Variants in GAS7 observed in about 807,000 individuals in gnomAD.
GAS7 encodes growth arrest-specific protein 7.
GAS7 carries 28 observed loss-of-function variants against 71.1 expected under a neutral mutation model. That is an observed-to-expected ratio of 0.39 (90% CI 0.29 to 0.54). The LOEUF (loss-of-function observed/expected upper bound fraction) is 0.54, where lower values mean the gene tolerates loss of function less well. Ranked by LOEUF, GAS7 falls within the 20% of genes least tolerant of loss-of-function variation. GAS7 has a pLI of 0.62. For missense variants in GAS7, 436 were observed against 627.8 expected, an observed-to-expected ratio of 0.69 and a Z score of 3.27; for synonymous variants, 258 against 245.8, an observed-to-expected ratio of 1.05 and a Z score of -0.46.
At position 9,959,340 on chromosome 17, in the gene GAS7, G is replaced by A. The variant is rs2152112578; in HGVS notation, c.472-85C>T. On this transcript the variant is annotated intron_variant, in intron 4 of 13. Transcript: ENST00000432992. The surrounding 1 kb of genome is among the most constrained non-coding windows in gnomAD (Gnocchi z 5.0). ...CCCATTCAGGTTCCCTGAGGGTGGA[G>A]GCGCTGGGGAATCAGGGATGCTCAG... The A allele has an allele frequency of 6.3e-7, 1 of 1,597,704 alleles. No individual in the cohort carries two copies. The highest frequency in any genetic ancestry group is 1.3e-5 in the African/African-American group (1 of 74,894).
At chr17:9,951,787 C>G (rs1007051069) in intron 5 of GAS7, among the ~76,000 whole-genome samples, 11 of 79,900 alleles carry the variant, frequency 1.4e-4, no homozygotes, top group African/African-American at 4.3e-4. Context: ...AAAAAAAAAA[C>G]AAGAAGAAAG....
intron 1 of GAS7, among the ~76,000 whole-genome samples, chr17:10,139,342 C>T (rs1250574752): frequency 6.6e-6 from 1 of 152,154 alleles, no homozygotes; most frequent in Non-Finnish European, 1.5e-5. Flanking sequence ...CGTGAAGAAA[C>T]CATTTGTCCA....
chr17:9,952,311 G>A (rs2069052812), intron 5 of GAS7, among the ~76,000 whole-genome samples: 1 of 152,168 alleles, frequency 6.6e-6, no homozygotes, highest in Admixed American at 6.5e-5. Context: ...CACCACAATG[G>A]AAGACACACA....
chr17:10,087,215 C>CTT (rs1408583881), intron 1 of GAS7, among the ~76,000 whole-genome samples: 1 of 152,220 alleles, frequency 6.6e-6, no homozygotes, highest in Non-Finnish European at 1.5e-5. Flanking sequence ...CACGCAAACT[C>CTT]ACAAGAGCAC....
intron 3 of GAS7, among the ~76,000 whole-genome samples, chr17:9,979,414 G>A (rs2070327736): frequency 6.6e-6 from 1 of 152,196 alleles, no homozygotes; most frequent in Non-Finnish European, 1.5e-5. Flanking sequence ...GCCCCCTTTA[G>A]GGGCCCAGCA....
At chr17:10,138,787 C>G (rs1289782979) in intron 1 of GAS7, among the ~76,000 whole-genome samples, 3 of 151,882 alleles carry the variant, frequency 2.0e-5, no homozygotes, top group Non-Finnish European at 2.9e-5. Flanking sequence ...AAAAACAAAA[C>G]AAAACAAAAA....
chr17:10,006,609 G>A (rs1003274521), intron 2 of GAS7, among the ~76,000 whole-genome samples: 6 of 151,978 alleles, frequency 3.9e-5, no homozygotes, highest in African/African-American at 7.3e-5. Context: ...GATTACAGGC[G>A]CGAGCCACCG....
intron 1 of GAS7, among the ~76,000 whole-genome samples, chr17:10,113,615 C>T (rs1024602041): frequency 2.0e-5 from 3 of 152,266 alleles, no homozygotes; most frequent in African/African-American, 4.8e-5. Context: ...CGCATTTTTC[C>T]GCCCCCTACA....
chr17:10,181,097 C>T lies in GAS7; in HGVS notation c.183+17111G>A, dbSNP rs550482227. Among the ~76,000 whole-genome samples, 38 of 150,130 alleles carry T rather than the reference C, an allele frequency of 2.5e-4. No individual in the cohort carries two copies. The South Asian group carries it at 5.6e-3, about 22-fold the overall frequency. On this transcript the variant is annotated intron_variant, in intron 1 of 13. Coordinates refer to ENST00000432992, the MANE Select transcript of GAS7 (RefSeq NM_201433.2). The stretch of plus-strand genomic sequence containing the variant: ...GGGTGGCGGTGGGGGCACGGTGGCT[C>T]ACGCCTGTAATCCCAGCACTTTGGG...
At position 9,988,778 on chromosome 17, in the gene GAS7, G is replaced by T. The variant is rs1163394319; in HGVS notation, c.305-6894C>A. Among the ~76,000 whole-genome samples the T allele has an allele frequency of 2.6e-5, 4 of 151,430 alleles. No individual in the cohort carries two copies. The South Asian group carries it at 8.4e-4, about 32-fold the overall frequency. On this transcript the variant is annotated intron_variant, in intron 2 of 13. Transcript: ENST00000432992. ...TGAAGAACCATTTACGCCTGGTCAC[G>T]CCAAGCCCCTCCACATCTGGCATCC...
rs553168261 is a variant in GAS7 at position 10,007,944 on chromosome 17, A to C, written c.304+11833T>G. ...AGGGTGGTTTTCTGTGGATTTCTCT[A>C]TTCTAGGCGTTTCATATAAACAGAA... On this transcript the variant is annotated intron_variant, in intron 2 of 13. Coordinates refer to ENST00000432992, the MANE Select transcript of GAS7 (RefSeq NM_201433.2). Among the ~76,000 whole-genome samples the C allele has an allele frequency of 2.0e-5, 3 of 152,140 alleles. No homozygotes were observed. In the East Asian group the frequency reaches 5.8e-4, roughly 29 times the overall value.
At chr17:9,999,160 T>C (rs925804321) in intron 2 of GAS7, among the ~76,000 whole-genome samples, 1 of 152,216 alleles carries the variant, frequency 6.6e-6, no homozygotes, top group Non-Finnish European at 1.5e-5. Flanking sequence ...TTAACTTCAA[T>C]TGCTCGCATA....
intron 12 of GAS7, 66 bp from the exon 13 acceptor site, chr17:9,918,165 A>G (rs2067660292): frequency 8.8e-7 from 1 of 1,138,506 alleles, no homozygotes; most frequent in Non-Finnish European, 1.3e-6. Flanking sequence ...CCCCCCACCA[A>G]GACCACAAAA....
chr17:9,966,974 G>A (rs2069740558), intron 4 of GAS7, among the ~76,000 whole-genome samples: 1 of 152,134 alleles, frequency 6.6e-6, no homozygotes, highest in African/African-American at 2.4e-5. Flanking sequence ...TCCTGGGACT[G>A]GTGAACAACG....
chr17:10,038,396 A>C (rs80265183), intron 1 of GAS7, among the ~76,000 whole-genome samples: 7,683 of 152,266 alleles, frequency 0.05, 329 homozygotes, highest in African/African-American at 0.12. Flanking sequence ...AAGAACAGGT[A>C]CTAGTAAGGA....
chr17:10,152,739 G>A (rs1442444242), intron 1 of GAS7, among the ~76,000 whole-genome samples: 2 of 152,150 alleles, frequency 1.3e-5, no homozygotes, highest in African/African-American at 2.4e-5. Flanking sequence ...GCATGTGCAG[G>A]TGCCGCTTAG....
intron 9 of GAS7, among the ~76,000 whole-genome samples, chr17:9,932,402 C>T (rs1030027640): frequency 4.6e-5 from 7 of 152,054 alleles, no homozygotes; most frequent in South Asian, 2.1e-4. Flanking sequence ...ACCATGTTGG[C>T]CAGGATGGTC....
At chr17:10,191,308 GC>G (rs376289972) in intron 1 of GAS7, among the ~76,000 whole-genome samples, 2 of 152,258 alleles carry the variant, frequency 1.3e-5, no homozygotes, top group African/African-American at 2.4e-5. Context: ...GGTGGCTCAT[GC>G]CTGTAATCTC....
Position 10,049,911 on chromosome 17 carries a change from C to T in GAS7, c.184-30014G>A, listed in dbSNP as rs558679348. Among the ~76,000 whole-genome samples the T allele has an allele frequency of 2.7e-3, 407 of 152,158 alleles. 4 individuals are homozygous for T. The highest frequency in any genetic ancestry group is 6.8e-3 in the Middle Eastern group (2 of 292). On this transcript the variant is annotated intron_variant, in intron 1 of 13. Transcript: ENST00000432992. ...TTGGGATTACAGGCGTGAGCCACCGCGCCCGGTCTGAAATTAGTTTTACAA... is the reference window on the plus strand; with the variant it reads ...TTGGGATTACAGGCGTGAGCCACCGTGCCCGGTCTGAAATTAGTTTTACAA...
Sources: allele counts gnomAD v4.1 joint callset (sites outside exome capture counted in the v4.1 genomes callset), GRCh38; gene constraint gnomAD v4.1.1; non-coding constraint Gnocchi (gnomAD v3.1); transcripts MANE v1.5; gene names NCBI Gene and HGNC (gene_info 2026-07-23, HGNC 2026-07-21).